HSD17B11: variants seen among roughly 807,000 people sequenced by gnomAD.
HSD17B11 encodes estradiol 17-beta-dehydrogenase 11.
HSD17B11 carries 22 observed loss-of-function variants against 27.8 expected under a neutral mutation model. That is an observed-to-expected ratio of 0.79 (90% confidence interval 0.56 to 1.13). HSD17B11 has a LOEUF of 1.13. Among genes scored for constraint, HSD17B11 ranks in the 50% most tolerant of loss-of-function variants. The probability of loss-of-function intolerance (pLI) is 0.00; values close to 1 mark genes in which losing one functional copy is unlikely to be tolerated. For missense variants in HSD17B11, 314 were observed against 351.1 expected, an observed-to-expected ratio of 0.89 and a Z score of 0.84; for synonymous variants, 117 against 132.8, an observed-to-expected ratio of 0.88 and a Z score of 0.82.
chr4:87,366,608 A>G (rs1473281854), intron 4 of HSD17B11, among the ~76,000 whole-genome samples: 3 of 152,192 alleles, frequency 2.0e-5, no homozygotes, highest in Non-Finnish European at 2.9e-5. Context: ...ACTAATAATT[A>G]TAATTGTTAT....
chr4:87,355,485 A>G (rs1174256668), intron 5 of HSD17B11, among the ~76,000 whole-genome samples: 1 of 152,170 alleles, frequency 6.6e-6, no homozygotes, highest in East Asian at 1.9e-4. Flanking sequence ...TGTAAAACTA[A>G]ATGAAAATAG....
chr4:87,381,043 G>A (rs1018120124), intron 2 of HSD17B11, among the ~76,000 whole-genome samples: 2 of 149,862 alleles, frequency 1.3e-5, no homozygotes, highest in Non-Finnish European at 1.5e-5. Flanking sequence ...AAATTAGCCC[G>A]GCATGATGGT....
intron 2 of HSD17B11, among the ~76,000 whole-genome samples, chr4:87,378,804 T>A (rs1323610458): frequency 8.6e-6 from 1 of 116,534 alleles, no homozygotes; most frequent in East Asian, 2.2e-4. Context: ...ATTTTATATA[T>A]ATATATAAAT....
chr4:87,368,457 G>C (rs1225344409), intron 4 of HSD17B11, among the ~76,000 whole-genome samples: 1 of 152,136 alleles, frequency 6.6e-6, no homozygotes, highest in Non-Finnish European at 1.5e-5. Flanking sequence ...GCCCCATTCA[G>C]CCTGAAGAAG....
At position 87,372,697 on chromosome 4, in the gene HSD17B11, A is replaced by G. The variant is rs751993837; in HGVS notation, c.557+12T>C. 2 of 1,522,250 alleles carry G rather than the reference A, an allele frequency of 1.3e-6. No homozygotes were observed. 94.3% of individuals were successfully genotyped at this position (1,522,250 alleles called of 1,614,324 possible). On this transcript the variant is annotated intron_variant, in intron 4 of 6. Transcript: ENST00000358290. ...GCATAAGAACCAATGAAGGAAACAC[A>G]TGTTCACATACCAGTAAGCCAGTAA... is the stretch of plus-strand genomic sequence containing the variant.
intron 2 of HSD17B11, among the ~76,000 whole-genome samples, chr4:87,378,034 C>T (rs1028780269): frequency 6.6e-6 from 1 of 152,122 alleles, no homozygotes; most frequent in Non-Finnish European, 1.5e-5. Context: ...ATCTGTCTGA[C>T]GTCAGAGCCC....
At chr4:87,382,917 A>G (rs1396776235) in intron 1 of HSD17B11, among the ~76,000 whole-genome samples, 1 of 152,262 alleles carries the variant, frequency 6.6e-6, no homozygotes, top group East Asian at 1.9e-4. Flanking sequence ...CATAAGTATC[A>G]TAGTTAAGTA....
chr4:87,368,304 G>C (rs1232728424), intron 4 of HSD17B11, among the ~76,000 whole-genome samples: 1 of 151,932 alleles, frequency 6.6e-6, no homozygotes, highest in Non-Finnish European at 1.5e-5. Flanking sequence ...GTGACAGAGC[G>C]AGACTCCATC....
rs916513216 is a variant in HSD17B11, at chr4:87,336,921, T to C, written c.*355A>G. On this transcript the variant is annotated 3_prime_UTR_variant, in exon 7 of 7. Coordinates refer to ENST00000358290, the MANE Select transcript of HSD17B11 (RefSeq NM_016245.5). ...AAAAAGAAACACAAATTATACAAAA[T>C]TTAAGTGCAATCAAAAATAAAAATA... 5.3e-6 allele frequency: 1 copy of C among 189,420 alleles called. No homozygotes were observed. Among genetic ancestry groups the C allele is most frequent in the South Asian group, 1.1e-4 (1 of 8,700 alleles). The allele number at this position is 189,420 out of a possible 1,614,324, so 11.7% of individuals were successfully genotyped here.
rs530192665 is a variant in HSD17B11 at position 87,369,788 on chromosome 4, G to C, written c.557+2921C>G. ...GTTACAAGCTAATGTTCAGAACTCA[G>C]TTTTACTGAGCGTTCCCATACTGGC... On this transcript the variant is annotated intron_variant, in intron 4 of 6. Transcript: ENST00000358290. Among the ~76,000 whole-genome samples, 136 of 152,216 alleles carry C rather than the reference G, an allele frequency of 8.9e-4. 2 individuals are homozygous for C. The South Asian group carries it at 0.027, about 30-fold the overall frequency.
At chr4:87,373,953 A>G (rs1453296586) in intron 3 of HSD17B11, among the ~76,000 whole-genome samples, 1 of 152,196 alleles carries the variant, frequency 6.6e-6, no homozygotes, top group East Asian at 1.9e-4. Context: ...ACATATATAT[A>G]ACTTAAGACC....
intron 2 of HSD17B11, among the ~76,000 whole-genome samples, chr4:87,381,750 C>T (rs1032667508): frequency 1.7e-4 from 17 of 100,384 alleles, no homozygotes; most frequent in Admixed American, 7.2e-4. Flanking sequence ...CAGAGTGAGA[C>T]CCCCCATCTC....
intron 1 of HSD17B11, among the ~76,000 whole-genome samples, chr4:87,382,640 T>C (rs1296668148): frequency 1.3e-5 from 2 of 152,254 alleles, no homozygotes; most frequent in Non-Finnish European, 2.9e-5. Context: ...CTTTGAATAC[T>C]TTGTGAATGT....
intron 2 of HSD17B11, among the ~76,000 whole-genome samples, chr4:87,378,249 T>C (rs1242624337): frequency 2.0e-5 from 3 of 152,186 alleles, no homozygotes; most frequent in Non-Finnish European, 4.4e-5. Flanking sequence ...TACCAAAGGA[T>C]TTTCCCAGAC....
intron 6 of HSD17B11, among the ~76,000 whole-genome samples, chr4:87,339,910 C>T (rs1008937813): frequency 7.9e-5 from 12 of 152,246 alleles, no homozygotes; most frequent in African/African-American, 2.6e-4. Flanking sequence ...TTTTAATATG[C>T]GTACAAATCA....
intron 5 of HSD17B11, among the ~76,000 whole-genome samples, chr4:87,347,199 G>A (rs1389614246): frequency 3.6e-5 from 2 of 55,776 alleles, no homozygotes; most frequent in Non-Finnish European, 5.8e-5. Flanking sequence ...ATGTATACAT[G>A]TGCCATGCTG....
chr4:87,376,515 A>AC (rs1179868703), intron 2 of HSD17B11, among the ~76,000 whole-genome samples: 3 of 148,630 alleles, frequency 2.0e-5, no homozygotes, highest in African/African-American at 5.0e-5. Flanking sequence ...AAAAAAAAAA[A>AC]AAAAAAACCC....
intron 5 of HSD17B11, among the ~76,000 whole-genome samples, chr4:87,355,888 A>G: frequency 6.7e-6 from 1 of 149,534 alleles, no homozygotes; most frequent in Admixed American, 6.7e-5. Flanking sequence ...TGGGCAACAG[A>G]GTGAAACCCT....
intron 4 of HSD17B11, among the ~76,000 whole-genome samples, chr4:87,371,420 A>G (rs1735713739): frequency 6.6e-6 from 1 of 152,186 alleles, no homozygotes; most frequent in Non-Finnish European, 1.5e-5. Context: ...ACCTTTGGGA[A>G]GGAAGGAGAG....
Sources: gnomAD v4.1 joint callset for allele counts (sites outside exome capture counted in the v4.1 genomes callset) on GRCh38, gnomAD v4.1.1 for gene constraint, MANE v1.5 for transcripts, NCBI Gene and HGNC (gene_info 2026-07-23, HGNC 2026-07-21) for gene names.